The following RGS10 variants were observed in gnomAD, a reference collection of about 807,000 sequenced individuals.
RGS10 encodes the protein regulator of G-protein signalling 10.
Under a neutral mutation model 23.5 loss-of-function variants are expected in RGS10, and 11 were observed. That is an observed-to-expected ratio of 0.47 (90% confidence interval 0.29 to 0.77). The LOEUF is 0.77. Ranked by LOEUF, RGS10 falls within the 30% of genes least tolerant of loss-of-function variation. The probability of loss-of-function intolerance (pLI) is 0.08; values close to 1 mark genes in which losing one functional copy is unlikely to be tolerated. For synonymous variants in RGS10, 77 were observed against 83.2 expected, an observed-to-expected ratio of 0.92 and a Z score of 0.41; for missense variants, 180 against 226.3, an observed-to-expected ratio of 0.80 and a Z score of 1.31.
chr10:119,510,919 C>T (rs1343307745), intron 4 of RGS10, among the ~76,000 whole-genome samples: 3 of 152,028 alleles, frequency 2.0e-5, no homozygotes, highest in African/African-American at 4.8e-5. Flanking sequence ...GGAGTTTCAC[C>T]GTGTTAGCTA....
At chr10:119,513,491 A>G (rs1182405478) in intron 4 of RGS10, among the ~76,000 whole-genome samples, 1 of 150,282 alleles carries the variant, frequency 6.7e-6, no homozygotes, top group Non-Finnish European at 1.5e-5. Context: ...AATAAATAAA[A>G]TTCTTTGTCA....
At chr10:119,525,025 G>A (rs969399674) in intron 3 of RGS10, among the ~76,000 whole-genome samples, 7 of 140,094 alleles carry the variant, frequency 5.0e-5, no homozygotes, top group Non-Finnish European at 1.0e-4. Context: ...CGCGCAAGCC[G>A]CATCTGCCCA....
At chr10:119,503,359 A>T (rs1266577952) in intron 4 of RGS10, among the ~76,000 whole-genome samples, 2 of 151,300 alleles carry the variant, frequency 1.3e-5, no homozygotes, top group Admixed American at 6.6e-5. Flanking sequence ...AAAAAAAGAG[A>T]ATGCACCTAA....
In RGS10 at chr10:119,542,602, G is replaced by C; in HGVS notation, c.37C>G (p.Arg13Gly). ...NRAVSRLSRK[R>G]PPSDIHDSDG... ...CGAAGCCGCTTACCTGACGGCGGCC[G>C]CTTCCTGCTCAGCCGGCTCACGGCG... Residue 13 changes from arginine (R) to glycine (G), a missense_variant, in exon 1 of 5, where the codon CGG (arginine) becomes GGG (glycine). By Grantham distance (125) the Arg-to-Gly change is moderately radical. Coordinates refer to ENST00000369103, the MANE Select transcript of RGS10 (RefSeq NM_001005339.2). 1 of 1,425,906 alleles carries C rather than the reference G, an allele frequency of 7.0e-7. No homozygotes were observed. The highest frequency in any genetic ancestry group is 9.2e-7 in the Non-Finnish European group (1 of 1,087,536). The allele number at this position is 1,425,906 out of a possible 1,614,324, so 88.3% of individuals were successfully genotyped here.
At chr10:119,501,590 GCA>G (rs917622956) in intron 4 of RGS10, among the ~76,000 whole-genome samples, 1 of 152,070 alleles carries the variant, frequency 6.6e-6, no homozygotes, top group Non-Finnish European at 1.5e-5. Flanking sequence ...GAGCGTGGTG[GCA>G]CACACCTGTA....
At chr10:119,506,730 C>G (rs1395740834) in intron 4 of RGS10, among the ~76,000 whole-genome samples, 3 of 152,190 alleles carry the variant, frequency 2.0e-5, no homozygotes, top group African/African-American at 7.2e-5. Flanking sequence ...GAGACGGAGT[C>G]TCACTCTGTC....
chr10:119,536,140 C>A (rs2133961184), intron 1 of RGS10, among the ~76,000 whole-genome samples: 1 of 152,246 alleles, frequency 6.6e-6, no homozygotes, highest in South Asian at 2.1e-4. Context: ...AATTCCCTTG[C>A]CAGAGAGATC....
rs1844392021 is a variant in RGS10, at chr10:119,536,657, T to C, written c.49+5933A>G. 6.5e-6 allele frequency: 4 copies of C among 611,032 alleles called. No individual in the cohort carries two copies. The South Asian group carries it at 7.0e-5, about 11-fold the overall frequency. 37.9% of individuals were successfully genotyped at this position (611,032 alleles called of 1,614,324 possible). ...ATGGCCACTGGTTTCCAGTTTCTAC[T>C]AGAGGGAAGGAAATAAGAACGCCAA... On this transcript the variant is annotated intron_variant, in intron 1 of 4. Coordinates refer to ENST00000369103, the MANE Select transcript of RGS10 (RefSeq NM_001005339.2).
At position 119,519,554 on chromosome 10, in the gene RGS10, C is replaced by A. The variant is rs796243956; in HGVS notation, c.256-3902G>T. Among the ~76,000 whole-genome samples the A allele has an allele frequency of 1.9e-4, 25 of 128,286 alleles. 1 individual carries two copies. The highest frequency in any genetic ancestry group is 5.6e-4 in the African/African-American group (18 of 32,396). The allele number at this position is 128,286 out of a possible 152,430, so 84.2% of individuals were successfully genotyped here. ...CTGTCTCCCTGTCTGTCCCCCAGCT[C>A]CTGTCTCCCTGTGTCTGTCTCCCAG... On this transcript the variant is annotated intron_variant, in intron 3 of 4. Transcript: ENST00000369103.
In RGS10 at chr10:119,500,225, C is replaced by A. The variant is rs774440149; in HGVS notation, c.434G>T (p.Arg145Leu). The A allele has an allele frequency of 6.2e-7, 1 of 1,613,526 alleles. No homozygotes were observed. Among genetic ancestry groups the A allele is most frequent in the East Asian group, 2.2e-5 (1 of 44,878 alleles). Residue 145 changes from arginine (R) to leucine (L), a missense_variant, in exon 5 of 5, where the codon CGC (arginine) becomes CTC (leucine). Coordinates refer to ENST00000369103, the MANE Select transcript of RGS10 (RefSeq NM_001005339.2). Reference sequence around the variant, plus strand: ...TAAAAACAAGTCAGACTTTAAGAAGCGGCTGTAGCTGTCGTACTTCATGAG... The same window carrying A: ...TAAAAACAAGTCAGACTTTAAGAAGAGGCTGTAGCTGTCGTACTTCATGAG... ...FNLMKYDSYSRFLKSDLFLKH... is the reference protein window; with the variant it reads ...FNLMKYDSYSLFLKSDLFLKH...
intron 4 of RGS10, among the ~76,000 whole-genome samples, chr10:119,509,023 C>G (rs558230928): frequency 6.6e-6 from 1 of 152,182 alleles, no homozygotes; most frequent in East Asian, 1.9e-4. Flanking sequence ...ATGGATCGAG[C>G]CTGGGAGGTC....
chr10:119,506,498 C>A (rs1036557321), intron 4 of RGS10, among the ~76,000 whole-genome samples: 1 of 152,248 alleles, frequency 6.6e-6, no homozygotes, highest in Non-Finnish European at 1.5e-5. Context: ...CCCAAGCTCA[C>A]GGGTTCACGC....
At chr10:119,509,959 G>A (rs886708873) in intron 4 of RGS10, among the ~76,000 whole-genome samples, 10 of 151,764 alleles carry the variant, frequency 6.6e-5, no homozygotes, top group Non-Finnish European at 1.3e-4. Context: ...AGAGGGGGAA[G>A]GGGGGAGAGG....
In RGS10 at chr10:119,518,774, G is replaced by A. The variant is rs538599840; in HGVS notation, c.256-3122C>T. On this transcript the variant is annotated intron_variant, in intron 3 of 4. Coordinates refer to ENST00000369103, the MANE Select transcript of RGS10 (RefSeq NM_001005339.2). ...GGCTGGAGTGCAGTGGCGCGATCTC[G>A]GCTCACTGCAAGCTCTGCCTCCCGG... Among the ~76,000 whole-genome samples, 57 of 151,440 alleles carry A rather than the reference G, an allele frequency of 3.8e-4. 1 individual carries two copies. In the East Asian group the frequency reaches 4.9e-3, roughly 13 times the overall value.
At chr10:119,501,684 C>G (rs1469459308) in intron 4 of RGS10, among the ~76,000 whole-genome samples, 2 of 151,976 alleles carry the variant, frequency 1.3e-5, no homozygotes, top group Admixed American at 1.3e-4. Flanking sequence ...GATCACACCA[C>G]TGCACTCCAG....
intron 4 of RGS10, among the ~76,000 whole-genome samples, chr10:119,511,348 G>A (rs904350141): frequency 1.3e-5 from 2 of 152,180 alleles, no homozygotes; most frequent in African/African-American, 4.8e-5. Flanking sequence ...GGACACAGTA[G>A]TAGCTCACAC....
At chr10:119,502,740 C>T (rs1190037550) in intron 4 of RGS10, among the ~76,000 whole-genome samples, 2 of 152,088 alleles carry the variant, frequency 1.3e-5, no homozygotes, top group African/African-American at 4.8e-5. Flanking sequence ...TTATTAAGAG[C>T]ATAAGGGCCA....
chr10:119,534,586 G>A (rs1844366484), intron 1 of RGS10, among the ~76,000 whole-genome samples: 2 of 53,518 alleles, frequency 3.7e-5, no homozygotes, highest in Admixed American at 3.1e-4. Flanking sequence ...GCGAGACTCT[G>A]TCTCAAAAAA....
At chr10:119,522,661 T>A (rs888441760) in intron 3 of RGS10, among the ~76,000 whole-genome samples, 9 of 145,866 alleles carry the variant, frequency 6.2e-5, no homozygotes, top group Admixed American at 2.2e-4. Context: ...GAGATTGCAG[T>A]GAGCAGAGAT....
Sources: gnomAD v4.1 joint callset for allele counts (sites outside exome capture counted in the v4.1 genomes callset) on GRCh38, gnomAD v4.1.1 for gene constraint, MANE v1.5 for transcripts, NCBI Gene and HGNC (gene_info 2026-07-23, HGNC 2026-07-21) for gene names.